Variants in PHACTR1 observed in about 807,000 individuals in gnomAD.
PHACTR1 encodes RPEL repeat containing 1.
PHACTR1 carries 16 observed loss-of-function variants against 69.2 expected under a neutral mutation model. The observed-to-expected ratio is 0.23, with a 90% CI of 0.16 to 0.35. The LOEUF is 0.35. Among genes scored for constraint, PHACTR1 ranks in the 10% least tolerant of loss-of-function variants. The probability of loss-of-function intolerance (pLI) is 1.00; values close to 1 mark genes in which losing one functional copy is unlikely to be tolerated. For synonymous variants in PHACTR1, 312 were observed against 284.5 expected (o/e 1.10, Z -0.97); for missense variants, 510 against 734.7 (o/e 0.69, Z 3.54).
intron 10 of PHACTR1, among the ~76,000 whole-genome samples, chr6:13,237,942 A>G (rs73725634): frequency 0.022 from 3,365 of 152,366 alleles, 125 homozygotes; most frequent in African/African-American, 0.074. Context: ...CCACAGTCCC[A>G]TATGCAGTCC....
intron 4 of PHACTR1, among the ~76,000 whole-genome samples, chr6:12,856,255 C>CTTTTTT (rs66541950): frequency 8.1e-5 from 11 of 135,800 alleles, no homozygotes; most frequent in South Asian, 4.5e-4. Context: ...TTCTTTCTTT[C>CTTTTTT]TTTTTTTTTT....
intron 6 of PHACTR1, among the ~76,000 whole-genome samples, chr6:13,161,802 A>T (rs963218823): frequency 1.3e-5 from 2 of 152,160 alleles, no homozygotes; most frequent in African/African-American, 4.8e-5. Context: ...ACAAATTACT[A>T]GCCTGAAATG....
intron 4 of PHACTR1, among the ~76,000 whole-genome samples, chr6:13,038,543 C>T (rs1583075485): frequency 6.7e-6 from 1 of 150,098 alleles, no homozygotes. Context: ...TAAAAAGCAG[C>T]TTATAAAAGG....
intron 5 of PHACTR1, among the ~76,000 whole-genome samples, chr6:13,159,723 C>T (rs1005282103): frequency 6.6e-6 from 1 of 152,202 alleles, no homozygotes; most frequent in Non-Finnish European, 1.5e-5. Flanking sequence ...AAGTGGATCA[C>T]GAGGTCAGGA....
chr6:13,042,404 T>G (rs76320817), intron 4 of PHACTR1, among the ~76,000 whole-genome samples: 2,781 of 152,236 alleles, frequency 0.018, 83 homozygotes, highest in African/African-American at 0.063. Context: ...TGGATATAGT[T>G]GGGAAGAAGG....
At chr6:13,174,056 C>T (rs1285370239) in intron 6 of PHACTR1, among the ~76,000 whole-genome samples, 1 of 151,786 alleles carries the variant, frequency 6.6e-6, no homozygotes, top group African/African-American at 2.4e-5. Flanking sequence ...ACATAGAAAA[C>T]ATATATCAAT....
At chr6:13,174,586 AAC>A (rs1197493215) in intron 6 of PHACTR1, among the ~76,000 whole-genome samples, 1 of 152,258 alleles carries the variant, frequency 6.6e-6, no homozygotes, top group African/African-American at 2.4e-5. Context: ...TACAAGAACT[AAC>A]AGTTAAGAGA....
chr6:13,015,396 A>T (rs1800034203), intron 4 of PHACTR1, among the ~76,000 whole-genome samples: 1 of 152,110 alleles, frequency 6.6e-6, no homozygotes, highest in African/African-American at 2.4e-5. Flanking sequence ...TGTAGGGGGG[A>T]TATACGTTTC....
intron 13 of PHACTR1, among the ~76,000 whole-genome samples, 165 bp from the exon 14 acceptor site, chr6:13,285,981 T>G (rs181326526): frequency 3.3e-4 from 51 of 152,286 alleles, no homozygotes; most frequent in African/African-American, 1.1e-3. Context: ...AATCTTTGTT[T>G]TAAAGGACAT....
intron 5 of PHACTR1, among the ~76,000 whole-genome samples, chr6:13,147,891 C>T (rs988525536): frequency 6.6e-6 from 1 of 152,088 alleles, no homozygotes; most frequent in Non-Finnish European, 1.5e-5. Flanking sequence ...GTAACCACTG[C>T]CCAAGTCAAA....
intron 4 of PHACTR1, among the ~76,000 whole-genome samples, chr6:12,991,476 A>G (rs974768648): frequency 1.3e-5 from 2 of 152,208 alleles, no homozygotes; most frequent in African/African-American, 4.8e-5. Flanking sequence ...CTTTCTAAAG[A>G]GGCCGGCAAT....
intron 11 of PHACTR1, 135 bp from the exon 12 acceptor site, chr6:13,278,133 G>C (rs901186362): frequency 1.4e-5 from 10 of 739,920 alleles, no homozygotes; most frequent in African/African-American, 1.1e-4. Context: ...AGGGCAGCTG[G>C]GGGAGGGGAC....
At chr6:12,739,288 A>T (rs549021017) in intron 3 of PHACTR1, among the ~76,000 whole-genome samples, 2 of 152,298 alleles carry the variant, frequency 1.3e-5, no homozygotes, top group Non-Finnish European at 2.9e-5. Flanking sequence ...GATCATCATT[A>T]TCAGAAATAG....
chr6:12,988,961 G>C (rs949419631), intron 4 of PHACTR1, among the ~76,000 whole-genome samples: 4 of 152,218 alleles, frequency 2.6e-5, no homozygotes, highest in African/African-American at 9.6e-5. Context: ...ACTTGGCAGA[G>C]TCCTCCAAGG....
In PHACTR1 at chr6:13,275,718, C is replaced by T. The variant is rs202044; in HGVS notation, c.1448-2550C>T. ...TCAGTTATAAACCAGGAGTGGTAGA[C>T]GAGGTGGTCACTAGGTCCCCTCATG... On this transcript the variant is annotated intron_variant, in intron 11 of 14. Coordinates refer to ENST00000332995, the MANE Select transcript of PHACTR1 (RefSeq NM_030948.6). The surrounding 1 kb of genome is among the most constrained non-coding windows in gnomAD (Gnocchi z 4.0). 0.75 allele frequency: 113,560 copies of T among 152,018 alleles called. 43,767 individuals are homozygous for T. Among genetic ancestry groups the T allele is most frequent in the Non-Finnish European group, 0.85 (57,565 of 67,994 alleles). The allele number at this position is 152,018 out of a possible 1,614,324, so 9.4% of individuals were successfully genotyped here. A position where few individuals can be genotyped will look rare whatever the true frequency, so the allele number is the denominator to read the frequency against.
At chr6:13,201,454 C>G (rs1409537152) in intron 7 of PHACTR1, among the ~76,000 whole-genome samples, 5 of 152,084 alleles carry the variant, frequency 3.3e-5, no homozygotes, top group Admixed American at 2.6e-4. Flanking sequence ...ATAGTAGAGT[C>G]CAGACAGAGT....
intron 4 of PHACTR1, among the ~76,000 whole-genome samples, chr6:12,820,398 T>C (rs190168708): frequency 6.6e-6 from 1 of 152,244 alleles, no homozygotes; most frequent in African/African-American, 2.4e-5. Context: ...ACCAGGATGG[T>C]CTCAATCTCC....
chr6:12,814,596 G>T (rs187479872), intron 4 of PHACTR1, among the ~76,000 whole-genome samples: 1 of 152,016 alleles, frequency 6.6e-6, no homozygotes. Flanking sequence ...GTAAAATAAG[G>T]CTTTGACCAC....
chr6:12,750,991 TGTGC>T (rs756469039), intron 4 of PHACTR1, among the ~76,000 whole-genome samples: 8 of 152,240 alleles, frequency 5.3e-5, no homozygotes, highest in African/African-American at 1.4e-4. Flanking sequence ...TGTGTGTGTG[TGTGC>T]GCGTGCGTGC....
Sources: gnomAD v4.1 joint callset for allele counts (sites outside exome capture counted in the v4.1 genomes callset) on GRCh38, gnomAD v4.1.1 for gene constraint, Gnocchi (gnomAD v3.1) non-coding constraint, MANE v1.5 for transcripts, NCBI Gene and HGNC (gene_info 2026-07-23, HGNC 2026-07-21) for gene names.